CASTOR2: variants seen among roughly 807,000 people sequenced by gnomAD.
CASTOR2 encodes cytosolic arginine sensor for mTORC1 subunit 2.
In CASTOR2, 8 loss-of-function variants were observed where a neutral mutation model predicts 31.2. The ratio of observed to expected loss-of-function variants is 0.26; its 90% CI spans 0.15 to 0.46. CASTOR2 has a LOEUF of 0.46. CASTOR2 is among the 20% of genes least tolerant of loss of function. CASTOR2 has a pLI of 0.99. For synonymous variants in CASTOR2, 162 were observed against 158.7 expected, an observed-to-expected ratio of 1.02 and a Z score of -0.16; for missense variants, 216 against 382.1, an observed-to-expected ratio of 0.57 and a Z score of 3.62.
intron 2 of CASTOR2, 84 bp downstream of exon 2, chr7:75,008,148 G>C: frequency 6.9e-7 from 1 of 1,447,972 alleles, no homozygotes; most frequent in Non-Finnish European, 9.4e-7. Context: ...TCTGTCCCCC[G>C]CCCACCTCCT....
chr7:75,012,088 T>G (rs1804763539), intron 2 of CASTOR2, among the ~76,000 whole-genome samples: 1 of 151,972 alleles, frequency 6.6e-6, no homozygotes, highest in Admixed American at 6.6e-5. Flanking sequence ...TAGGAAATGC[T>G]CTCAAGGCGC....
chr7:75,013,770 C>G (rs1458184889), intron 2 of CASTOR2, among the ~76,000 whole-genome samples: 1 of 152,104 alleles, frequency 6.6e-6, no homozygotes, highest in Non-Finnish European at 1.5e-5. Context: ...CTCTGTCACC[C>G]CGGTTGGAGT....
At chr7:74,994,616 G>A (rs1480093665) in intron 1 of CASTOR2, among the ~76,000 whole-genome samples, 18 of 152,252 alleles carry the variant, frequency 1.2e-4, no homozygotes, top group Admixed American at 5.2e-4. Flanking sequence ...CGGGCGTGGT[G>A]GCAGGCGCCT....
In CASTOR2 at chr7:75,029,453, C is replaced by T. The variant is rs1207399842; in HGVS notation, c.*4754C>T. 2.6e-5 allele frequency among the ~76,000 whole-genome samples: 4 copies of T among 151,158 alleles called. No individual in the cohort carries two copies. Among genetic ancestry groups the T allele is most frequent in the Non-Finnish European group, 5.9e-5 (4 of 67,920 alleles). On this transcript the variant is annotated 3_prime_UTR_variant, in exon 9 of 9. Coordinates refer to ENST00000616305, the MANE Select transcript of CASTOR2 (RefSeq NM_001145064.3). ...CTGCTTCCCAGGTTCAAGTGATTCT[C>T]CTGCCTCAGCCTCCCAAGTAGCTGG...
At chr7:75,003,195 C>T (rs1804534947) in intron 1 of CASTOR2, among the ~76,000 whole-genome samples, 1 of 152,174 alleles carries the variant, frequency 6.6e-6, no homozygotes. Flanking sequence ...TCCTATAATC[C>T]GAGCACTTTG....
intron 1 of CASTOR2, among the ~76,000 whole-genome samples, chr7:74,986,210 G>A (rs1374860347): frequency 6.7e-6 from 1 of 150,110 alleles, no homozygotes; most frequent in African/African-American, 2.4e-5. Context: ...GATGACAGGC[G>A]TAAGCTGCCA....
At chr7:74,994,023 C>T (rs1317722312) in intron 1 of CASTOR2, among the ~76,000 whole-genome samples, 3 of 152,162 alleles carry the variant, frequency 2.0e-5, no homozygotes, top group Admixed American at 6.5e-5. Flanking sequence ...GGAGAGGCCC[C>T]GTGTGAGGGC....
intron 1 of CASTOR2, among the ~76,000 whole-genome samples, chr7:74,972,643 C>T (rs1400029851): frequency 4.0e-5 from 6 of 150,116 alleles, no homozygotes; most frequent in African/African-American, 9.8e-5. Context: ...ATCTTGCAAA[C>T]GAGCCATGGT....
chr7:75,001,734 G>A (rs1804502522), intron 1 of CASTOR2, among the ~76,000 whole-genome samples: 1 of 152,236 alleles, frequency 6.6e-6, no homozygotes, highest in Admixed American at 6.5e-5. Context: ...CAGATACAAG[G>A]TGTGTGTACG....
intron 7 of CASTOR2, among the ~76,000 whole-genome samples, chr7:75,022,835 A>T (rs1218264627): frequency 6.6e-6 from 1 of 152,148 alleles, no homozygotes; most frequent in Non-Finnish European, 1.5e-5. Context: ...AAAAGAATAA[A>T]TTGGGGCTGT....
Position 75,029,824 on chromosome 7 carries a change from G to T in CASTOR2, c.*5125G>T, listed in dbSNP as rs968011446. On this transcript the variant is annotated 3_prime_UTR_variant, in exon 9 of 9. Transcript: ENST00000616305. The stretch of plus-strand genomic sequence containing the variant: ...CCAACAGAGAAAAGACATTGGCTTT[G>T]GGTACCATGCTGAGGGAGGGGGTTA... Among the ~76,000 whole-genome samples the T allele has an allele frequency of 8.9e-3, 1,357 of 152,290 alleles. 12 individuals carry two copies. The highest frequency in any genetic ancestry group is 0.014 in the Non-Finnish European group (971 of 68,022).
In CASTOR2 at chr7:74,980,595, AC is replaced by A. The variant is rs1402767984; in HGVS notation, c.113+15498del. Among the ~76,000 whole-genome samples the A allele has an allele frequency of 3.7e-5, 5 of 134,614 alleles. 1 individual carries two copies. The highest frequency in any genetic ancestry group is 1.8e-4 in the African/African-American group (5 of 27,946). The allele number at this position is 134,614 out of a possible 152,430, so 88.3% of individuals were successfully genotyped here. A position where few individuals can be genotyped will look rare whatever the true frequency, so the allele number is the denominator to read the frequency against. On this transcript the variant is annotated intron_variant, in intron 1 of 8. Coordinates refer to ENST00000616305, the MANE Select transcript of CASTOR2 (RefSeq NM_001145064.3). ...CAATGGATGTTTTGAGGTGCCCTCTACTTGATGCAAGCCTCGGCGAGGTGGC... is the reference window on the plus strand; with the variant it reads ...CAATGGATGTTTTGAGGTGCCCTCTATTGATGCAAGCCTCGGCGAGGTGGC...
intron 6 of CASTOR2, among the ~76,000 whole-genome samples, chr7:75,020,521 C>T (rs1254454662): frequency 5.3e-5 from 8 of 149,784 alleles, no homozygotes; most frequent in Non-Finnish European, 1.2e-4. Flanking sequence ...GACGGAGTCT[C>T]GCTCTGTCGC....
Position 75,026,168 on chromosome 7 carries a change from G to T in CASTOR2, c.*1469G>T, listed in dbSNP as rs1218010329. ...TGAATGAGCAGGACCAAGGGCCCCT[G>T]TGGTTTTGGCTCTGGCGGGGGTTTT... On this transcript the variant is annotated 3_prime_UTR_variant, in exon 9 of 9. Transcript: ENST00000616305. Among the ~76,000 whole-genome samples, 1 of 145,914 alleles carries T rather than the reference G, an allele frequency of 6.9e-6. No individual in the cohort carries two copies. The highest frequency in any genetic ancestry group is 1.5e-5 in the Non-Finnish European group (1 of 65,034).
intron 2 of CASTOR2, among the ~76,000 whole-genome samples, chr7:75,014,011 G>C (rs1804809010): frequency 6.6e-6 from 1 of 152,120 alleles, no homozygotes; most frequent in South Asian, 2.1e-4. Context: ...TTACAGGCAT[G>C]AGCCACCGTA....
rs1388910818 is a variant in CASTOR2, at chr7:74,999,825, G to A, written c.114-8169G>A. Among the ~76,000 whole-genome samples, 13 of 151,848 alleles carry A rather than the reference G, an allele frequency of 8.6e-5. No individual in the cohort carries two copies. In the East Asian group the frequency reaches 2.3e-3, roughly 27 times the overall value. ...TAGAGACGGGGTTTCACCTTGTCCC[G>A]GATGGTCTTGATCTCTTGACCTTGT... On this transcript the variant is annotated intron_variant, in intron 1 of 8. Coordinates refer to ENST00000616305, the MANE Select transcript of CASTOR2 (RefSeq NM_001145064.3).
chr7:75,023,678 G>C (rs1805060760), intron 7 of CASTOR2, among the ~76,000 whole-genome samples: 1 of 151,876 alleles, frequency 6.6e-6, no homozygotes, highest in Non-Finnish European at 1.5e-5. Context: ...GACCTCAAGT[G>C]ATCCACCCGC....
chr7:74,997,779 GTCTACCCTGCCATACACAATGTC>G (rs1159757023), intron 1 of CASTOR2, among the ~76,000 whole-genome samples: 2 of 151,726 alleles, frequency 1.3e-5, no homozygotes, highest in African/African-American at 4.8e-5. Flanking sequence ...TCTGTAAAAA[GTCTACCCTGCCATACACAATGTC>G]TGGGGACTTG....
At chr7:75,021,029 T>C (rs1223000117) in intron 6 of CASTOR2, among the ~76,000 whole-genome samples, 1 of 152,076 alleles carries the variant, frequency 6.6e-6, no homozygotes, top group Non-Finnish European at 1.5e-5. Flanking sequence ...TCTCACTCTG[T>C]TGCCCAGGCT....
Sources: allele counts gnomAD v4.1 joint callset (sites outside exome capture counted in the v4.1 genomes callset), GRCh38; gene constraint gnomAD v4.1.1; transcripts MANE v1.5; gene names NCBI Gene and HGNC (gene_info 2026-07-23, HGNC 2026-07-21).